CYP2C8: variants seen among roughly 807,000 people sequenced by gnomAD.
CYP2C8 encodes cytochrome P450 family 2 subfamily C member 8, also known as cytochrome P450 2C8.
A neutral mutation model predicts 41.3 loss-of-function variants in CYP2C8; 51 were observed. That is an observed-to-expected ratio of 1.24 (90% CI 0.99 to 1.56). CYP2C8 has a LOEUF of 1.56. CYP2C8 is among the 40% of genes most tolerant of loss of function. The pLI is 0.00. For synonymous variants in CYP2C8, 218 were observed against 205.8 expected (o/e 1.06, Z -0.51); for missense variants, 651 against 579.9 (o/e 1.12, Z -1.26).
chr10:95,045,403 A>G (rs2033087576), intron 6 of CYP2C8, among the ~76,000 whole-genome samples: 1 of 152,218 alleles, frequency 6.6e-6, no homozygotes, highest in Non-Finnish European at 1.5e-5. Context: ...TTATGCTTCA[A>G]TAAAGATTGT....
chr10:95,058,553 T>C, intron 4 of CYP2C8, 42 bp from the exon 5 acceptor site: 4 of 1,515,848 alleles, frequency 2.6e-6, no homozygotes, highest in Non-Finnish European at 3.6e-6. Flanking sequence ...TGTCATAAGA[T>C]ATATGTATCT....
rs1012585108 is a variant in CYP2C8 at position 95,068,063 on chromosome 10, T to C, written c.169-372A>G. On this transcript the variant is annotated intron_variant, in intron 1 of 8. Coordinates refer to ENST00000371270, the MANE Select transcript of CYP2C8 (RefSeq NM_000770.3). Reference sequence around the variant, plus strand: ...AGCTCCAAACTGGAATCTCTGCTAATTTAAACTGATGCTTGAGCAATTAAT... The same window carrying C: ...AGCTCCAAACTGGAATCTCTGCTAACTTAAACTGATGCTTGAGCAATTAAT... 4.1e-4 allele frequency among the ~76,000 whole-genome samples: 62 copies of C among 152,356 alleles called. 1 individual carries two copies. Among genetic ancestry groups the C allele is most frequent in the African/African-American group, 1.4e-3 (58 of 41,592 alleles).
chr10:95,041,342 G>A (rs535748239), intron 7 of CYP2C8, among the ~76,000 whole-genome samples: 3 of 152,262 alleles, frequency 2.0e-5, no homozygotes, highest in Admixed American at 1.3e-4. Flanking sequence ...TTCTATTACA[G>A]ACTTTAAAAT....
intron 1 of CYP2C8, 26 bp from the exon 2 acceptor site, chr10:95,067,717 C>G: frequency 1.2e-6 from 2 of 1,611,582 alleles, no homozygotes; most frequent in East Asian, 2.2e-5. Flanking sequence ...CAAATAGCAG[C>G]AAAATAAGTC....
In CYP2C8 at chr10:95,037,312, G is replaced by A; in HGVS notation, c.1292-3C>T. On this transcript the variant is annotated splice_polypyrimidine_tract_variant and splice_region_variant and intron_variant, in intron 8 of 8. Transcript: ENST00000371270. ...TTCTCCTGCACAAATTCGTTTTCCT[G>A]AAGATAACAAAGAAAGGAAGTAGTT... 1 of 1,612,752 alleles carries A rather than the reference G, an allele frequency of 6.2e-7. No homozygotes were observed. The highest frequency in any genetic ancestry group is 8.5e-7 in the Non-Finnish European group (1 of 1,179,448).
Position 95,036,846 on chromosome 10 carries a change from C to T in CYP2C8, c.*282G>A. ...TGGATCTAAATTATCATTCATTAAT[C>T]ACTTTTCTGTGTTTTACAGTGATAA... On this transcript the variant is annotated 3_prime_UTR_variant, in exon 9 of 9. Coordinates refer to ENST00000371270, the MANE Select transcript of CYP2C8 (RefSeq NM_000770.3). 2.4e-6 allele frequency: 1 copy of T among 412,054 alleles called. No individual in the cohort carries two copies. The highest frequency in any genetic ancestry group is 4.5e-6 in the Non-Finnish European group (1 of 224,610). 25.5% of individuals were successfully genotyped at this position (412,054 alleles called of 1,614,324 possible). A position where few individuals can be genotyped will look rare whatever the true frequency, so the allele number is the denominator to read the frequency against.
At chr10:95,053,654 C>A (rs2033254054) in intron 5 of CYP2C8, among the ~76,000 whole-genome samples, 1 of 152,048 alleles carries the variant, frequency 6.6e-6, no homozygotes, top group Admixed American at 6.6e-5. Context: ...TCTCAGCAAA[C>A]TAACACAGGA....
rs775727604 is a variant in CYP2C8, at chr10:95,037,075, A to T, written c.*53T>A. On this transcript the variant is annotated 3_prime_UTR_variant, in exon 9 of 9. Coordinates refer to ENST00000371270, the MANE Select transcript of CYP2C8 (RefSeq NM_000770.3). ...ACATAATAGTGGGAATGTCCTTGAT[A>T]AAAAAAGAGTTGCAGGTGATAGCAG... 3 of 1,508,894 alleles carry T rather than the reference A, an allele frequency of 2.0e-6. No individual in the cohort carries two copies. The highest frequency in any genetic ancestry group is 2.8e-6 in the Non-Finnish European group (3 of 1,085,414). 93.5% of individuals were successfully genotyped at this position (1,508,894 alleles called of 1,614,324 possible). A position where few individuals can be genotyped will look rare whatever the true frequency, so the allele number is the denominator to read the frequency against.
intron 1 of CYP2C8, among the ~76,000 whole-genome samples, chr10:95,068,013 C>T (rs953119972): frequency 3.3e-5 from 5 of 152,188 alleles, no homozygotes. Context: ...GATTCATTCT[C>T]AGAGTCCCAC....
rs139811140 is a variant in CYP2C8, at chr10:95,049,899, G to T, written c.820-3948C>A. ...TTGAATAGCTAGCAGCAATACCCAG[G>T]TACTATGTTGAGGGCTTTGGGTAAG... On this transcript the variant is annotated intron_variant, in intron 5 of 8. Coordinates refer to ENST00000371270, the MANE Select transcript of CYP2C8 (RefSeq NM_000770.3). Among the ~76,000 whole-genome samples the T allele has an allele frequency of 6.1e-4, 84 of 136,726 alleles. 1 individual carries two copies. In the East Asian group the frequency reaches 0.015, roughly 25 times the overall value. 89.7% of individuals were successfully genotyped at this position (136,726 alleles called of 152,430 possible).
At chr10:95,046,748 T>TAAAAAA (rs56702266) in intron 5 of CYP2C8, among the ~76,000 whole-genome samples, 1 of 128,982 alleles carries the variant, frequency 7.8e-6, no homozygotes, top group Non-Finnish European at 1.6e-5. Flanking sequence ...CTAAATATGG[T>TAAAAAA]AAAAAAAAAA....
rs573157526 is a variant in CYP2C8, at chr10:95,048,550, A to G, written c.820-2599T>C. ...TACTAGCAATGTATTGGGTTTGTGA[A>G]CACACTCAAGACCTTCCGATTAGCT... is the stretch of plus-strand genomic sequence containing the variant. On this transcript the variant is annotated intron_variant, in intron 5 of 8. Coordinates refer to ENST00000371270, the MANE Select transcript of CYP2C8 (RefSeq NM_000770.3). 4.6e-5 allele frequency among the ~76,000 whole-genome samples: 7 copies of G among 152,294 alleles called. No individual in the cohort carries two copies. In the South Asian group the frequency reaches 1.2e-3, roughly 27 times the overall value.
chr10:95,061,625 G>A (rs1373553476), intron 4 of CYP2C8, among the ~76,000 whole-genome samples: 2 of 151,972 alleles, frequency 1.3e-5, no homozygotes, highest in Non-Finnish European at 2.9e-5. Context: ...AGGGTTTTTT[G>A]TGTCTCTATT....
At chr10:95,065,793 A>G (rs893993240) in intron 3 of CYP2C8, among the ~76,000 whole-genome samples, 2 of 152,238 alleles carry the variant, frequency 1.3e-5, no homozygotes, top group African/African-American at 4.8e-5. Context: ...AAATTTGACC[A>G]TAAGTTAGGC....
At chr10:95,068,681 T>C (rs1009093583) in intron 1 of CYP2C8, 44 of 1,093,388 alleles carry the variant, frequency 4.0e-5, no homozygotes, top group Non-Finnish European at 5.2e-5. Flanking sequence ...CTGTATTAAA[T>C]GATTATATAA....
chr10:95,067,130 C>T lies in CYP2C8; in HGVS notation c.481+78G>A, dbSNP rs534101246. 9.4e-6 allele frequency: 15 copies of T among 1,603,552 alleles called. 1 individual carries two copies. The highest frequency in any genetic ancestry group is 1.7e-4 in the Middle Eastern group (1 of 5,726). ...GGATGCGCAATGAAGACCTGGCCACCCCTGAAATGTTTCCAAGGACGTCAC... is the reference window on the plus strand; with the variant it reads ...GGATGCGCAATGAAGACCTGGCCACTCCTGAAATGTTTCCAAGGACGTCAC... On this transcript the variant is annotated intron_variant, in intron 3 of 8. Transcript: ENST00000371270.
chr10:95,066,664 CCATA>C (rs2033574776), intron 3 of CYP2C8, among the ~76,000 whole-genome samples: 1 of 152,024 alleles, frequency 6.6e-6, no homozygotes, highest in Non-Finnish European at 1.5e-5. Flanking sequence ...GCAAGTAAAA[CCATA>C]CATAGTGTCA....
At chr10:95,041,251 A>G (rs984457814) in intron 7 of CYP2C8, among the ~76,000 whole-genome samples, 10 of 152,368 alleles carry the variant, frequency 6.6e-5, no homozygotes, top group Admixed American at 6.5e-4. Flanking sequence ...CTGATAAAGA[A>G]TATCTACTAA....
rs567475033 is a variant in CYP2C8, at chr10:95,062,646, G to C, written c.642+2154C>G. 2.0e-5 allele frequency among the ~76,000 whole-genome samples: 3 copies of C among 152,162 alleles called. No homozygotes were observed. The East Asian group carries it at 5.8e-4, about 29-fold the overall frequency. On this transcript the variant is annotated intron_variant, in intron 4 of 8. Coordinates refer to ENST00000371270, the MANE Select transcript of CYP2C8 (RefSeq NM_000770.3). ...GAGCGTTTAACCCATTTACATTTAA[G>C]GTTAATATTGTTATGCTTGAATTTG...
Sources: gnomAD v4.1 joint callset for allele counts (sites outside exome capture counted in the v4.1 genomes callset) on GRCh38, gnomAD v4.1.1 for gene constraint, MANE v1.5 for transcripts, NCBI Gene and HGNC (gene_info 2026-07-23, HGNC 2026-07-21) for gene names.